ITGA11: variants seen among roughly 807,000 people sequenced by gnomAD.
The protein encoded by ITGA11 is integrin subunit alpha 11.
A neutral mutation model predicts 141.9 loss-of-function variants in ITGA11; 97 were observed. The ratio of observed to expected loss-of-function variants is 0.68; its 90% CI spans 0.58 to 0.81. The LOEUF (loss-of-function observed/expected upper bound fraction) is 0.81, where lower values mean the gene tolerates loss of function less well. Among genes scored for constraint, ITGA11 ranks in the 30% least tolerant of loss-of-function variants. The pLI is 0.00. For synonymous variants in ITGA11, 658 were observed against 624.6 expected, an observed-to-expected ratio of 1.05 and a Z score of -0.80; for missense variants, 1,387 against 1,559.2, an observed-to-expected ratio of 0.89 and a Z score of 1.86.
chr15:68,347,054 A>G (rs896250412), intron 10 of ITGA11, among the ~76,000 whole-genome samples: 1 of 152,240 alleles, frequency 6.6e-6, no homozygotes, highest in Non-Finnish European at 1.5e-5. Context: ...GGGTCCTTTC[A>G]GCACTTTAGT....
At chr15:68,379,831 C>T (rs1213144207) in intron 2 of ITGA11, among the ~76,000 whole-genome samples, 1 of 152,144 alleles carries the variant, frequency 6.6e-6, no homozygotes, top group African/African-American at 2.4e-5. Flanking sequence ...ATAGTTTGGA[C>T]AGATGTTTCT....
chr15:68,364,888 C>T (rs1895368137), intron 3 of ITGA11, 90 bp from the exon 4 acceptor site: 3 of 1,222,054 alleles, frequency 2.5e-6, no homozygotes, highest in East Asian at 4.8e-5. Context: ...CGAGGTGCCT[C>T]CCCGATTCTC....
At chr15:68,359,130 T>C (rs983114059) in intron 5 of ITGA11, among the ~76,000 whole-genome samples, 7 of 152,034 alleles carry the variant, frequency 4.6e-5, no homozygotes, top group African/African-American at 1.7e-4. Flanking sequence ...ACAACAATAG[T>C]AAAGAGTTGC....
In ITGA11 at chr15:68,297,530, T is replaced by G. The variant is rs1490092694; in HGVS notation, c.*5529A>C. 6.6e-6 allele frequency: 1 copy of G among 150,758 alleles called. No individual in the cohort carries two copies. Among genetic ancestry groups the G allele is most frequent in the Non-Finnish European group, 1.5e-5 (1 of 67,754 alleles). 9.3% of individuals were successfully genotyped at this position (150,758 alleles called of 1,614,324 possible). A position where few individuals can be genotyped will look rare whatever the true frequency, so the allele number is the denominator to read the frequency against. The stretch of plus-strand genomic sequence containing the variant: ...GTTTTGTTTTGTTTTTTTTTTTAGG[T>G]TTTTCTTTTTAATGAAGGTCTTACA... On this transcript the variant is annotated 3_prime_UTR_variant, in exon 30 of 30. Transcript: ENST00000315757.
chr15:68,351,467 C>T lies in ITGA11; in HGVS notation c.750-65G>A, dbSNP rs371405536. On this transcript the variant is annotated intron_variant, in intron 7 of 29. Transcript: ENST00000315757. ...TGGGATTGGGGCAGCCCCTGACGCT[C>T]CTGCAGAGGGGCAGCCACAGAAACC... The T allele has an allele frequency of 2.6e-5, 40 of 1,549,210 alleles. No homozygotes were observed. The African/African-American group carries it at 4.9e-4, about 19-fold the overall frequency.
At chr15:68,354,063 C>T (rs1001374200) in intron 7 of ITGA11, among the ~76,000 whole-genome samples, 2 of 152,156 alleles carry the variant, frequency 1.3e-5, no homozygotes, top group East Asian at 1.9e-4. Context: ...AGCCTTTCCC[C>T]ACCACCCTGT....
Position 68,432,057 on chromosome 15 carries a change from G to C in ITGA11, c.10C>G (p.Pro4Ala). The C allele has an allele frequency of 7.3e-7, 1 of 1,366,530 alleles. No homozygotes were observed. The highest frequency in any genetic ancestry group is 2.0e-5 in the South Asian group (1 of 50,096). 84.7% of individuals were successfully genotyped at this position (1,366,530 alleles called of 1,614,324 possible). A position where few individuals can be genotyped will look rare whatever the true frequency, so the allele number is the denominator to read the frequency against. MDL[P>A]RGLVVAWALS... is the part of the protein sequence containing the mutation. Reference sequence around the variant, plus strand: ...GCCCAGGCCACCACCAGGCCCCTGGGCAGGTCCATGGCCCGCGGCACGGCG... The same window carrying C: ...GCCCAGGCCACCACCAGGCCCCTGGCCAGGTCCATGGCCCGCGGCACGGCG... The change falls in exon 1 of 30, where the codon CCC (proline) becomes GCC (alanine). Residue 4 changes from proline (P) to alanine (A), a missense_variant. Transcript: ENST00000315757.
intron 1 of ITGA11, 111 bp downstream of exon 1, chr15:68,431,904 G>A (rs1897277862): frequency 1.4e-6 from 1 of 710,818 alleles, no homozygotes; most frequent in Non-Finnish European, 2.0e-6. Context: ...GAGCAGCTGA[G>A]GTCTGACCCT....
chr15:68,426,383 A>G (rs1444555407), intron 1 of ITGA11, among the ~76,000 whole-genome samples: 5 of 152,192 alleles, frequency 3.3e-5, no homozygotes, highest in Non-Finnish European at 7.3e-5. Context: ...GGCTGGAATG[A>G]CAGCCCCTGG....
At chr15:68,360,439 C>T (rs547093086) in intron 5 of ITGA11, among the ~76,000 whole-genome samples, 1 of 152,176 alleles carries the variant, frequency 6.6e-6, no homozygotes, top group Non-Finnish European at 1.5e-5. Context: ...GGTTCCTAAA[C>T]ATGGCTGAAC....
At chr15:68,367,876 G>T (rs1447444522) in intron 3 of ITGA11, among the ~76,000 whole-genome samples, 1 of 152,206 alleles carries the variant, frequency 6.6e-6, no homozygotes, top group Non-Finnish European at 1.5e-5. Context: ...GGGACTCCAG[G>T]TTGGCCAGTT....
intron 11 of ITGA11, among the ~76,000 whole-genome samples, chr15:68,338,936 G>A (rs1004815174): frequency 2.6e-5 from 4 of 152,198 alleles, no homozygotes; most frequent in African/African-American, 9.7e-5. Context: ...GCCTGGGGAT[G>A]GCCAGGTGAC....
intron 1 of ITGA11, among the ~76,000 whole-genome samples, chr15:68,416,508 C>T (rs1896889904): frequency 6.6e-6 from 1 of 152,176 alleles, no homozygotes; most frequent in African/African-American, 2.4e-5. Context: ...TCAAGGAAAA[C>T]AGGCCTAAAA....
At chr15:68,367,723 G>C (rs1021858411) in intron 3 of ITGA11, among the ~76,000 whole-genome samples, 1 of 152,196 alleles carries the variant, frequency 6.6e-6, no homozygotes, top group Non-Finnish European at 1.5e-5. Flanking sequence ...GCGCATTAAA[G>C]GTTCGGAAAC....
chr15:68,331,341 A>G (rs1894150958), intron 14 of ITGA11, among the ~76,000 whole-genome samples: 1 of 152,080 alleles, frequency 6.6e-6, no homozygotes, highest in African/African-American at 2.4e-5. Flanking sequence ...GTTCCCCATT[A>G]AGTGTAAATA....
At chr15:68,342,999 CTCTCTCTCTCT>C in intron 10 of ITGA11, among the ~76,000 whole-genome samples, 1 of 3,726 alleles carries the variant, frequency 2.7e-4, no homozygotes, top group Non-Finnish European at 9.4e-4. Context: ...GCAAGTTCTT[CTCTCTCTCTCT>C]CTCTCTCTCT....
At position 68,432,110 on chromosome 15, in the gene ITGA11, G is replaced by A. The variant is rs750718120; in HGVS notation, c.-44C>T. 12 of 1,342,504 alleles carry A rather than the reference G, an allele frequency of 8.9e-6. No individual in the cohort carries two copies. The African/African-American group carries it at 1.7e-4, about 19-fold the overall frequency. 83.2% of individuals were successfully genotyped at this position (1,342,504 alleles called of 1,614,324 possible). The stretch of plus-strand genomic sequence containing the variant: ...TGGGTCCGGTGTGCAGCGGCGGCGG[G>A]GGGCGGCAAGCCAGAGCGGCAGCCT... On this transcript the variant is annotated 5_prime_UTR_variant, in exon 1 of 30. Transcript: ENST00000315757.
chr15:68,337,333 G>A (rs905587129), intron 11 of ITGA11, among the ~76,000 whole-genome samples: 2 of 152,076 alleles, frequency 1.3e-5, no homozygotes, highest in East Asian at 3.9e-4. Flanking sequence ...CTCCCTGAAG[G>A]CCTGATGAAA....
In ITGA11 at chr15:68,365,433, G is replaced by A. The variant is rs964782434; in HGVS notation, c.266-635C>T. 10 of 629,756 alleles carry A rather than the reference G, an allele frequency of 1.6e-5. 1 individual carries two copies. The highest frequency in any genetic ancestry group is 1.6e-3 in the Middle Eastern group (2 of 1,234). 39.0% of individuals were successfully genotyped at this position (629,756 alleles called of 1,614,324 possible). ...CCTGCTGGGAATAGGGAGAGGGTCA[G>A]CTCTGCGGCAGATTAGAATCATAAA... On this transcript the variant is annotated intron_variant, in intron 3 of 29. Transcript: ENST00000315757.
Sources: gnomAD v4.1 joint callset for allele counts (sites outside exome capture counted in the v4.1 genomes callset) on GRCh38, gnomAD v4.1.1 for gene constraint, MANE v1.5 for transcripts, NCBI Gene and HGNC (gene_info 2026-07-23, HGNC 2026-07-21) for gene names.